The following PDE8A variants were observed in gnomAD, a reference collection of about 807,000 sequenced individuals.
The protein encoded by PDE8A is high affinity cAMP-specific and IBMX-insensitive 3',5'-cyclic phosphodiesterase 8A.
PDE8A carries 59 observed loss-of-function variants against 105.0 expected under a neutral mutation model. That is an observed-to-expected ratio of 0.56 (90% CI 0.46 to 0.70). The LOEUF (loss-of-function observed/expected upper bound fraction) is 0.70, where lower values mean the gene tolerates loss of function less well. Ranked by LOEUF, PDE8A falls within the 30% of genes least tolerant of loss-of-function variation. The probability of loss-of-function intolerance (pLI) is 0.00; values close to 1 mark genes in which losing one functional copy is unlikely to be tolerated. For missense variants in PDE8A, 1,014 were observed against 1,045.9 expected, an observed-to-expected ratio of 0.97 and a Z score of 0.42; for synonymous variants, 355 against 371.9, an observed-to-expected ratio of 0.95 and a Z score of 0.52.
chr15:84,987,635 C>A (rs1014291839), intron 1 of PDE8A, among the ~76,000 whole-genome samples: 2 of 151,780 alleles, frequency 1.3e-5, no homozygotes, highest in African/African-American at 4.8e-5. Flanking sequence ...CCATGCCCGG[C>A]TAATTTTTTT....
rs3214641 is a variant in PDE8A at position 85,083,321 on chromosome 15, TA to T, written c.547-228del. On this transcript the variant is annotated intron_variant, in intron 5 of 21. Transcript: ENST00000394553. ...CTGAAAGAAAAGCCTTTTTTTTTTT[TA>T]AAAAAATGAAAGGCTACTAAATGAT... Among the ~76,000 whole-genome samples the T allele has an allele frequency of 9.1e-3, 1,327 of 146,618 alleles. 20 individuals carry two copies. The highest frequency in any genetic ancestry group is 0.031 in the African/African-American group (1,242 of 39,510).
At chr15:85,043,046 AGTG>A (rs1411968704) in intron 1 of PDE8A, among the ~76,000 whole-genome samples, 4 of 152,052 alleles carry the variant, frequency 2.6e-5, no homozygotes, top group Non-Finnish European at 5.9e-5. Flanking sequence ...GGATGCTAGT[AGTG>A]ATCAGGTATG....
intron 1 of PDE8A, among the ~76,000 whole-genome samples, chr15:85,049,281 A>G (rs2080935464): frequency 1.3e-5 from 2 of 152,300 alleles, no homozygotes; most frequent in East Asian, 1.9e-4. Context: ...TGTGATCACC[A>G]TCTATCTCCA....
intron 2 of PDE8A, among the ~76,000 whole-genome samples, chr15:85,066,602 AC>A (rs2081230996): frequency 1.5e-5 from 1 of 65,112 alleles, no homozygotes; most frequent in African/African-American, 1.1e-4. Flanking sequence ...ACACACACAC[AC>A]ACACACACAC....
chr15:85,013,763 A>C (rs2080278063), intron 1 of PDE8A, among the ~76,000 whole-genome samples: 1 of 152,154 alleles, frequency 6.6e-6, no homozygotes, highest in South Asian at 2.1e-4. Context: ...GTCTCTCTTG[A>C]GGTTGCAGTC....
chr15:85,129,082 A>G (rs1009440949), intron 20 of PDE8A, among the ~76,000 whole-genome samples: 7 of 152,178 alleles, frequency 4.6e-5, no homozygotes, highest in Admixed American at 1.3e-4. Context: ...TGCGGAACCA[A>G]TCTTGCATTT....
chr15:85,069,155 T>A (rs1298112460), intron 3 of PDE8A, among the ~76,000 whole-genome samples: 1 of 152,214 alleles, frequency 6.6e-6, no homozygotes, highest in Non-Finnish European at 1.5e-5. Context: ...AAATACCAAA[T>A]TCCATAAGCA....
intron 3 of PDE8A, among the ~76,000 whole-genome samples, chr15:85,072,900 C>T (rs993376288): frequency 6.6e-6 from 1 of 152,138 alleles, no homozygotes; most frequent in Admixed American, 6.6e-5. Context: ...ATTGCTTGAG[C>T]CCAGGAGTTC....
intron 20 of PDE8A, among the ~76,000 whole-genome samples, chr15:85,126,835 T>C (rs1364704331): frequency 6.6e-6 from 1 of 152,148 alleles, no homozygotes; most frequent in Non-Finnish European, 1.5e-5. Context: ...TAAAGATAAA[T>C]CTTGCAATCA....
chr15:85,038,211 TGGGGG>T (rs200863922), intron 1 of PDE8A, among the ~76,000 whole-genome samples: 1 of 40,670 alleles, frequency 2.5e-5, no homozygotes, highest in African/African-American at 7.9e-5. Context: ...TCTCTCCAAT[TGGGGG>T]GTGTGTGTGT....
intron 1 of PDE8A, among the ~76,000 whole-genome samples, chr15:85,027,862 A>G (rs1397148536): frequency 2.6e-5 from 4 of 152,268 alleles, no homozygotes; most frequent in African/African-American, 9.6e-5. Context: ...ATATGTATAC[A>G]TTTTAAAAAA....
chr15:84,999,852 G>C (rs1022925574), intron 1 of PDE8A, among the ~76,000 whole-genome samples: 2 of 152,076 alleles, frequency 1.3e-5, no homozygotes, highest in Non-Finnish European at 2.9e-5. Context: ...GGGATTACAG[G>C]CATGAGCTAC....
chr15:85,010,116 A>G (rs2080216366), intron 1 of PDE8A, among the ~76,000 whole-genome samples: 1 of 152,186 alleles, frequency 6.6e-6, no homozygotes, highest in Non-Finnish European at 1.5e-5. Flanking sequence ...CCTTTGAGGA[A>G]GGGGAGGGGT....
intron 1 of PDE8A, among the ~76,000 whole-genome samples, chr15:85,031,079 A>G (rs1374273934): frequency 6.6e-6 from 1 of 152,362 alleles, no homozygotes; most frequent in South Asian, 2.1e-4. Flanking sequence ...AAACCTGCTG[A>G]TTAATACCAA....
chr15:85,125,619 A>G (rs947171758), intron 19 of PDE8A, among the ~76,000 whole-genome samples: 1 of 152,166 alleles, frequency 6.6e-6, no homozygotes, highest in Non-Finnish European at 1.5e-5. Flanking sequence ...AATACTTTTC[A>G]TGCTTACCAT....
intron 1 of PDE8A, among the ~76,000 whole-genome samples, chr15:85,050,367 T>C (rs1041173378): frequency 6.6e-6 from 1 of 152,188 alleles, no homozygotes; most frequent in Non-Finnish European, 1.5e-5. Flanking sequence ...GCCATTGATA[T>C]CATACCCAAA....
At chr15:85,055,409 A>G (rs1227664836) in intron 1 of PDE8A, among the ~76,000 whole-genome samples, 11 of 151,932 alleles carry the variant, frequency 7.2e-5, no homozygotes, top group Non-Finnish European at 1.3e-4. Flanking sequence ...TGACAGTGGG[A>G]TGTTAAAGTC....
chr15:85,061,116 C>T (rs570695940), intron 1 of PDE8A, among the ~76,000 whole-genome samples: 6 of 152,088 alleles, frequency 3.9e-5, no homozygotes, highest in Non-Finnish European at 8.8e-5. Context: ...CTTTGATTGA[C>T]GATTAGCTGA....
chr15:85,114,059 C>G (rs779960440), intron 14 of PDE8A, 22 bp downstream of exon 14: 22 of 1,599,758 alleles, frequency 1.4e-5, no homozygotes, highest in Non-Finnish European at 1.7e-5. Context: ...TGACTAGACT[C>G]TTGGCTAGAG....
Sources: gnomAD v4.1 joint callset for allele counts (sites outside exome capture counted in the v4.1 genomes callset) on GRCh38, gnomAD v4.1.1 for gene constraint, MANE v1.5 for transcripts, NCBI Gene and HGNC (gene_info 2026-07-23, HGNC 2026-07-21) for gene names.